GRIA1: variants seen among roughly 807,000 people sequenced by gnomAD.
GRIA1 encodes glutamate ionotropic receptor AMPA type subunit 1.
A neutral mutation model predicts 99.2 loss-of-function variants in GRIA1; 31 were observed. The ratio of observed to expected loss-of-function variants is 0.31; its 90% CI spans 0.23 to 0.42. The LOEUF (loss-of-function observed/expected upper bound fraction) is 0.42, where lower values mean the gene tolerates loss of function less well. Among genes scored for constraint, GRIA1 ranks in the 10% least tolerant of loss-of-function variants. GRIA1 has a pLI of 1.00. For missense variants in GRIA1, 782 were observed against 1,157.5 expected (o/e 0.68, Z 4.71); for synonymous variants, 438 against 432.4 (o/e 1.01, Z -0.16).
At position 153,705,690 on chromosome 5, in the gene GRIA1, T is replaced by G; in HGVS notation, c.1453-7T>G. 1 of 1,283,638 alleles carries G rather than the reference T, an allele frequency of 7.8e-7. No individual in the cohort carries two copies. Among genetic ancestry groups the G allele is most frequent in the Non-Finnish European group, 9.9e-7 (1 of 1,010,274 alleles). 79.5% of individuals were successfully genotyped at this position (1,283,638 alleles called of 1,614,324 possible). A position where few individuals can be genotyped will look rare whatever the true frequency, so the allele number is the denominator to read the frequency against. On this transcript the variant is annotated splice_polypyrimidine_tract_variant and splice_region_variant and intron_variant, in intron 10 of 15. Transcript: ENST00000285900. ...TTTTTTTTTTTTTTTTTTTTTTTTTTTTTCAGAGAGCAGATGTGGCTGTGG... is the reference window on the plus strand; with the variant it reads ...TTTTTTTTTTTTTTTTTTTTTTTTTGTTTCAGAGAGCAGATGTGGCTGTGG...
At chr5:153,583,452 G>C (rs1273818547) in intron 2 of GRIA1, among the ~76,000 whole-genome samples, 1 of 151,966 alleles carries the variant, frequency 6.6e-6, no homozygotes, top group Non-Finnish European at 1.5e-5. Context: ...ATCAATCCTG[G>C]GTGATCCTTG....
chr5:153,497,169 A>G (rs1754523200), intron 2 of GRIA1, among the ~76,000 whole-genome samples: 1 of 152,176 alleles, frequency 6.6e-6, no homozygotes, highest in Admixed American at 6.5e-5. Flanking sequence ...CCATTGTTAA[A>G]GAGTAAAGCC....
intron 2 of GRIA1, among the ~76,000 whole-genome samples, chr5:153,512,537 G>T (rs1270846515): frequency 6.6e-6 from 1 of 152,200 alleles, no homozygotes; most frequent in African/African-American, 2.4e-5. Flanking sequence ...GACTCCACAC[G>T]ACAGAGCCCA....
At chr5:153,500,793 A>G (rs1487045306) in intron 2 of GRIA1, among the ~76,000 whole-genome samples, 1 of 151,930 alleles carries the variant, frequency 6.6e-6, no homozygotes, top group African/African-American at 2.4e-5. Context: ...ACACACACAC[A>G]CCCCACACAC....
intron 11 of GRIA1, among the ~76,000 whole-genome samples, chr5:153,724,511 T>A (rs1408165029): frequency 6.6e-6 from 1 of 152,204 alleles, no homozygotes; most frequent in South Asian, 2.1e-4. Flanking sequence ...AAAATTTAGA[T>A]GAATGTATAA....
intron 1 of GRIA1, among the ~76,000 whole-genome samples, chr5:153,491,745 C>T (rs575211707): frequency 1.5e-4 from 23 of 152,278 alleles, no homozygotes; most frequent in Middle Eastern, 3.4e-3. Context: ...CCTGTTGGCT[C>T]TCCATTATCC....
intron 8 of GRIA1, among the ~76,000 whole-genome samples, chr5:153,694,122 C>T (rs1014822498): frequency 6.6e-6 from 1 of 152,198 alleles, no homozygotes; most frequent in African/African-American, 2.4e-5. Flanking sequence ...ATAAGCCAAG[C>T]TATACCACAT....
intron 2 of GRIA1, among the ~76,000 whole-genome samples, chr5:153,558,477 T>C (rs1760845946): frequency 6.6e-6 from 1 of 152,206 alleles, no homozygotes; most frequent in Non-Finnish European, 1.5e-5. Flanking sequence ...GTCATCTACA[T>C]GGAATTCTGC....
At chr5:153,584,019 G>C (rs894752528) in intron 2 of GRIA1, among the ~76,000 whole-genome samples, 1 of 152,150 alleles carries the variant, frequency 6.6e-6, no homozygotes, top group South Asian at 2.1e-4. Context: ...CTGCCCCAAG[G>C]GGCTACTTAC....
intron 11 of GRIA1, among the ~76,000 whole-genome samples, chr5:153,747,980 G>T (rs961428352): frequency 1.3e-5 from 2 of 152,240 alleles, no homozygotes; most frequent in African/African-American, 2.4e-5. Flanking sequence ...TTTATTCAGT[G>T]TATGTTCACT....
rs146236104 is a variant in GRIA1, at chr5:153,711,805, T to G, written c.1823+5738T>G. Among the ~76,000 whole-genome samples, 876 of 152,250 alleles carry G rather than the reference T, an allele frequency of 5.8e-3. 12 individuals carry two copies. The highest frequency in any genetic ancestry group is 0.02 in the African/African-American group (849 of 41,518). ...ATATTTTCCTGGGTTCAGGTGACCT[T>G]AGTAAGAGAATGAGAGGAGGTTAGA... On this transcript the variant is annotated intron_variant, in intron 11 of 15. Transcript: ENST00000285900.
At chr5:153,707,106 G>A (rs1484719652) in intron 11 of GRIA1, among the ~76,000 whole-genome samples, 1 of 151,964 alleles carries the variant, frequency 6.6e-6, no homozygotes, top group Admixed American at 6.6e-5. Flanking sequence ...GTGACAGAGT[G>A]AGACTCTGTC....
intron 11 of GRIA1, among the ~76,000 whole-genome samples, chr5:153,750,874 G>A (rs781753431): frequency 1.3e-5 from 2 of 152,096 alleles, no homozygotes; most frequent in African/African-American, 2.4e-5. Flanking sequence ...GAGGCAGCCG[G>A]ATCACGAGGT....
At chr5:153,788,052 C>G (rs1765079528) in intron 13 of GRIA1, among the ~76,000 whole-genome samples, 1 of 151,426 alleles carries the variant, frequency 6.6e-6, no homozygotes, top group African/African-American at 2.4e-5. Context: ...TGCACTCCAG[C>G]CTGGGCGACA....
chr5:153,774,440 A>C (rs1359922679), intron 13 of GRIA1, among the ~76,000 whole-genome samples: 1 of 152,196 alleles, frequency 6.6e-6, no homozygotes, highest in African/African-American at 2.4e-5. Flanking sequence ...ACAAGGCTGC[A>C]AACTCTTTGG....
chr5:153,705,595 GAC>G, intron 10 of GRIA1, 100 bp from the exon 11 acceptor site: 6 of 1,376,868 alleles, frequency 4.4e-6, no homozygotes, highest in Non-Finnish European at 5.7e-6. Flanking sequence ...TATCCTTTAA[GAC>G]ACAAAAGAAT....
chr5:153,526,352 T>C (rs1757595109), intron 2 of GRIA1, among the ~76,000 whole-genome samples: 1 of 152,210 alleles, frequency 6.6e-6, no homozygotes, highest in Admixed American at 6.5e-5. Flanking sequence ...ATGAGGCCAA[T>C]ATAGTAAAGC....
At chr5:153,611,457 C>T (rs1765971246) in intron 2 of GRIA1, among the ~76,000 whole-genome samples, 1 of 152,090 alleles carries the variant, frequency 6.6e-6, no homozygotes, top group Non-Finnish European at 1.5e-5. Flanking sequence ...TTTCTGTTCT[C>T]TAATTGAGGT....
chr5:153,760,075 T>G (rs543270486), intron 11 of GRIA1, among the ~76,000 whole-genome samples: 1 of 151,816 alleles, frequency 6.6e-6, no homozygotes, highest in Middle Eastern at 3.4e-3. Context: ...ATATGAAAAA[T>G]ACAGCTAACA....
Sources: allele counts gnomAD v4.1 joint callset (sites outside exome capture counted in the v4.1 genomes callset), GRCh38; gene constraint gnomAD v4.1.1; transcripts MANE v1.5; gene names NCBI Gene and HGNC (gene_info 2026-07-23, HGNC 2026-07-21).